The following HCK variants were observed in gnomAD, a reference collection of about 807,000 sequenced individuals.
HCK encodes the protein tyrosine-protein kinase HCK.
In HCK, 40 loss-of-function variants were observed where a neutral mutation model predicts 70.4. That is an observed-to-expected ratio of 0.57 (90% CI 0.44 to 0.74). The LOEUF is 0.74. Ranked by LOEUF, HCK falls within the 30% of genes least tolerant of loss-of-function variation. HCK has a pLI of 0.00. For missense variants in HCK, 568 were observed against 697.2 expected, an observed-to-expected ratio of 0.81 and a Z score of 2.09; for synonymous variants, 245 against 263.2, an observed-to-expected ratio of 0.93 and a Z score of 0.67.
chr20:32,061,676 C>A (rs551394140), intron 1 of HCK, among the ~76,000 whole-genome samples: 2 of 152,232 alleles, frequency 1.3e-5, no homozygotes, highest in East Asian at 3.9e-4. Flanking sequence ...AGTGATGGAG[C>A]CTTTCTGGGT....
intron 11 of HCK, among the ~76,000 whole-genome samples, chr20:32,095,345 T>C (rs2045940234): frequency 6.6e-6 from 1 of 152,086 alleles, no homozygotes; most frequent in Non-Finnish European, 1.5e-5. Context: ...AACCTCTGCC[T>C]CCCAGGTTCA....
Position 32,073,319 on chromosome 20 carries a change from G to A in HCK, c.184G>A (p.Gly62Arg). The change falls in exon 3 of 13, where the codon GGG (glycine) becomes AGG (arginine). Residue 62 changes from glycine (G) to arginine (R), a missense_variant and splice_region_variant. Gly to Arg is a moderately radical substitution (Grantham distance 125, BLOSUM62 -2). Transcript: ENST00000375852. The stretch of plus-strand genomic sequence containing the variant: ...CTCTTCTCTCATTTCTTCCCCACAG[G>A]GGCCTAATAGCCACAACAGCAACAC... 1.9e-6 allele frequency: 3 copies of A among 1,611,058 alleles called. No homozygotes were observed. Among genetic ancestry groups the A allele is most frequent in the African/African-American group, 1.3e-5 (1 of 74,810 alleles).
At chr20:32,069,773 G>A in intron 1 of HCK, 1 of 1,276,408 alleles carries the variant, frequency 7.8e-7, no homozygotes, top group Middle Eastern at 2.1e-4. Context: ...TAAATAAAAG[G>A]AATCTTTTTT....
chr20:32,084,383 T>A lies in HCK; in HGVS notation c.683-8T>A. 6.2e-7 allele frequency: 1 copy of A among 1,609,472 alleles called. No individual in the cohort carries two copies. The highest frequency in any genetic ancestry group is 8.5e-7 in the Non-Finnish European group (1 of 1,177,498). The stretch of plus-strand genomic sequence containing the variant: ...GTTGCTCTCAATTGACCAGGGACTC[T>A]GTTCCAGAGGGGAACGACGGGCTCT... On this transcript the variant is annotated splice_polypyrimidine_tract_variant and splice_region_variant and intron_variant, in intron 7 of 12. Coordinates refer to ENST00000375852, the MANE Select transcript of HCK (RefSeq NM_002110.5).
At chr20:32,067,320 A>G (rs1396152313) in intron 1 of HCK, among the ~76,000 whole-genome samples, 2 of 152,072 alleles carry the variant, frequency 1.3e-5, no homozygotes, top group Admixed American at 1.3e-4. Flanking sequence ...AACCCTCACC[A>G]CCATCCATCT....
rs373540492 is a variant in HCK at position 32,065,916 on chromosome 20, CTTCTTGGCTAGAATGTTCA to C, written c.63-5745_63-5727del. On this transcript the variant is annotated intron_variant, in intron 1 of 12. Coordinates refer to ENST00000375852, the MANE Select transcript of HCK (RefSeq NM_002110.5). The stretch of plus-strand genomic sequence containing the variant: ...GCAGGAGCAAAAGAGGTTCTCTAGC[CTTCTTGGCTAGAATGTTCA>C]CATGAATCGCCTGGGAACCTTGTTA... Among the ~76,000 whole-genome samples the C allele has an allele frequency of 7.5e-4, 114 of 152,296 alleles. 1 individual carries two copies. In the Middle Eastern group the frequency reaches 0.02, roughly 27 times the overall value.
intron 6 of HCK, among the ~76,000 whole-genome samples, chr20:32,082,874 C>A (rs1377993161): frequency 6.6e-6 from 1 of 151,968 alleles, no homozygotes; most frequent in African/African-American, 2.4e-5. Flanking sequence ...GCAAAAACTG[C>A]AATTACTTTT....
chr20:32,087,053 C>A (rs2122588947), intron 9 of HCK, among the ~76,000 whole-genome samples: 1 of 152,264 alleles, frequency 6.6e-6, no homozygotes. Context: ...GGGAATGGGG[C>A]CAGAATACTC....
intron 12 of HCK, 85 bp from the exon 13 acceptor site, chr20:32,101,232 C>A: frequency 1.7e-6 from 2 of 1,185,406 alleles, no homozygotes; most frequent in South Asian, 1.4e-5. Context: ...GGGAGTGATG[C>A]CTGCTGGGGA....
chr20:32,052,387 C>T lies in HCK; in HGVS notation c.-38C>T, dbSNP rs574057204. ...GCCTCTAGTTCTAGAAAGTCAGTTTCCCGGCACTGGCACCCCGGAACCTCA... is the reference window on the plus strand; with the variant it reads ...GCCTCTAGTTCTAGAAAGTCAGTTTTCCGGCACTGGCACCCCGGAACCTCA... On this transcript the variant is annotated 5_prime_UTR_variant, in exon 1 of 13. Transcript: ENST00000375852. The T allele has an allele frequency of 6.9e-5, 88 of 1,279,398 alleles. No homozygotes were observed. The highest frequency in any genetic ancestry group is 8.5e-5 in the Non-Finnish European group (85 of 1,002,212). 79.3% of individuals were successfully genotyped at this position (1,279,398 alleles called of 1,614,324 possible).
chr20:32,075,069 T>G (rs979233570), intron 5 of HCK, among the ~76,000 whole-genome samples: 5 of 152,240 alleles, frequency 3.3e-5, no homozygotes, highest in African/African-American at 1.2e-4. Flanking sequence ...TGCTTCTGCA[T>G]CCTCGGCACA....
chr20:32,096,737 C>T (rs965843205), intron 11 of HCK, among the ~76,000 whole-genome samples: 8 of 151,888 alleles, frequency 5.3e-5, no homozygotes, highest in Non-Finnish European at 8.8e-5. Context: ...CCTGGACTTA[C>T]GTGATCCTCC....
intron 12 of HCK, 118 bp from the exon 13 acceptor site, chr20:32,101,199 G>C: frequency 1.2e-6 from 1 of 826,984 alleles, no homozygotes; most frequent in Non-Finnish European, 1.9e-6. Flanking sequence ...CAGTGGAAGG[G>C]GCTCAGCTTG....
At chr20:32,073,576 C>T (rs1054161712) in intron 3 of HCK, 140 bp from the exon 4 acceptor site, 2 of 668,122 alleles carry the variant, frequency 3.0e-6, no homozygotes, top group Non-Finnish European at 5.2e-6. Context: ...GAGAATCACA[C>T]CCAGCATGGT....
At chr20:32,056,842 T>C (rs912552121) in intron 1 of HCK, among the ~76,000 whole-genome samples, 1 of 152,144 alleles carries the variant, frequency 6.6e-6, no homozygotes, top group African/African-American at 2.4e-5. Flanking sequence ...AGCACAAACA[T>C]GTTTGTCCTA....
At chr20:32,055,697 T>C (rs1327074326) in intron 1 of HCK, among the ~76,000 whole-genome samples, 4 of 152,210 alleles carry the variant, frequency 2.6e-5, no homozygotes, top group Non-Finnish European at 5.9e-5. Context: ...AAATTAACTA[T>C]ATGATTTTTA....
intron 1 of HCK, among the ~76,000 whole-genome samples, chr20:32,069,141 G>A (rs1305314331): frequency 6.6e-6 from 1 of 152,154 alleles, no homozygotes; most frequent in Non-Finnish European, 1.5e-5. Context: ...TTTCTGCAGC[G>A]CTTACTGCAT....
At position 32,094,789 on chromosome 20, in the gene HCK, GAAAGAAAGA is replaced by G. The variant is rs1474603947; in HGVS notation, c.1246+776_1246+784del. Among the ~76,000 whole-genome samples, 153 of 20,108 alleles carry G rather than the reference GAAAGAAAGA, an allele frequency of 7.6e-3. 3 individuals carry two copies. The highest frequency in any genetic ancestry group is 0.012 in the African/African-American group (144 of 11,570). 13.2% of individuals were successfully genotyped at this position (20,108 alleles called of 152,430 possible). A position where few individuals can be genotyped will look rare whatever the true frequency, so the allele number is the denominator to read the frequency against. On this transcript the variant is annotated intron_variant, in intron 11 of 12. Coordinates refer to ENST00000375852, the MANE Select transcript of HCK (RefSeq NM_002110.5). Reference sequence around the variant, plus strand: ...GGAAAGAAAGAAAGAGAGAGAAAGAGAAAGAAAGAAAGAAAGAAAGAAAGAAAGAAAGAA... The same window carrying G: ...GGAAAGAAAGAAAGAGAGAGAAAGAGAAGAAAGAAAGAAAGAAAGAAAGAA...
chr20:32,086,531 AC>A, intron 8 of HCK, 96 bp from the exon 9 acceptor site: 1 of 986,446 alleles, frequency 1.0e-6, no homozygotes, highest in Non-Finnish European at 1.5e-6. Context: ...AGCAGGAAAG[AC>A]TTTCTGGAGG....
Sources: allele counts gnomAD v4.1 joint callset (sites outside exome capture counted in the v4.1 genomes callset), GRCh38; gene constraint gnomAD v4.1.1; transcripts MANE v1.5; gene names NCBI Gene and HGNC (gene_info 2026-07-23, HGNC 2026-07-21).